The following ZNF521 variants were observed in gnomAD, a reference collection of about 807,000 sequenced individuals.
ZNF521 encodes zinc finger protein 521.
In ZNF521, 14 loss-of-function variants were observed where a neutral mutation model predicts 105.5. That is an observed-to-expected ratio of 0.13 (90% CI 0.09 to 0.21). ZNF521 has a LOEUF of 0.21. Ranked by LOEUF, ZNF521 falls within the 10% of genes least tolerant of loss-of-function variation. The pLI is 1.00. For missense variants in ZNF521, 1,233 were observed against 1,629.7 expected, an observed-to-expected ratio of 0.76 and a Z score of 4.19; for synonymous variants, 635 against 606.0, an observed-to-expected ratio of 1.05 and a Z score of -0.70.
At chr18:25,280,351 C>T (rs897116074) in intron 3 of ZNF521, among the ~76,000 whole-genome samples, 2 of 152,002 alleles carry the variant, frequency 1.3e-5, no homozygotes, top group Non-Finnish European at 2.9e-5. Context: ...CACACACACT[C>T]AGGCACTTTT....
At chr18:25,345,522 A>G (rs1186508288) in intron 2 of ZNF521, among the ~76,000 whole-genome samples, 1 of 152,214 alleles carries the variant, frequency 6.6e-6, no homozygotes, top group Non-Finnish European at 1.5e-5. Context: ...TGCATAAAAC[A>G]GATGTTTTTG....
At chr18:25,112,065 C>G (rs2034201495) in intron 5 of ZNF521, among the ~76,000 whole-genome samples, 1 of 152,176 alleles carries the variant, frequency 6.6e-6, no homozygotes, top group Non-Finnish European at 1.5e-5. Flanking sequence ...CTCCAGTCCT[C>G]TGAAACAACC....
At chr18:25,134,118 A>G (rs2034689294) in intron 5 of ZNF521, among the ~76,000 whole-genome samples, 1 of 152,118 alleles carries the variant, frequency 6.6e-6, no homozygotes, top group African/African-American at 2.4e-5. Flanking sequence ...AACAGCAACT[A>G]CAAACAGGAA....
intron 5 of ZNF521, among the ~76,000 whole-genome samples, chr18:25,095,473 C>A (rs1600012682): frequency 6.6e-6 from 1 of 152,188 alleles, no homozygotes; most frequent in Non-Finnish European, 1.5e-5. Flanking sequence ...GCTAGTACAG[C>A]CCTATTTTTT....
intron 5 of ZNF521, among the ~76,000 whole-genome samples, chr18:25,157,656 G>A (rs924918707): frequency 6.6e-6 from 1 of 152,198 alleles, no homozygotes; most frequent in Non-Finnish European, 1.5e-5. Flanking sequence ...AGGAGTCCCT[G>A]TGTCTCAGTG....
intron 5 of ZNF521, among the ~76,000 whole-genome samples, chr18:25,146,950 T>TCAAAAATGTGTGA (rs1482145833): frequency 2.0e-5 from 3 of 152,140 alleles, no homozygotes; most frequent in African/African-American, 7.2e-5. Context: ...AACTGGATGC[T>TCAAAAATGTGTGA]CAAAAATGTG....
At chr18:25,138,842 C>T (rs2034787251) in intron 5 of ZNF521, among the ~76,000 whole-genome samples, 1 of 152,112 alleles carries the variant, frequency 6.6e-6, no homozygotes, top group African/African-American at 2.4e-5. Context: ...TTGTGATTCC[C>T]ATCCTATCTT....
chr18:25,091,560 G>A (rs1600004773), intron 6 of ZNF521, among the ~76,000 whole-genome samples: 1 of 152,004 alleles, frequency 6.6e-6, no homozygotes, highest in African/African-American at 2.4e-5. Context: ...TAGCAGACAT[G>A]CGCTGACAAC....
intron 5 of ZNF521, among the ~76,000 whole-genome samples, chr18:25,169,195 TAC>T (rs1378662835): frequency 6.6e-6 from 1 of 152,234 alleles, no homozygotes; most frequent in Non-Finnish European, 1.5e-5. Context: ...CTATGGAACC[TAC>T]AGTGGTTTGC....
At chr18:25,318,261 A>T (rs1912749000) in intron 3 of ZNF521, among the ~76,000 whole-genome samples, 1 of 152,182 alleles carries the variant, frequency 6.6e-6, no homozygotes, top group African/African-American at 2.4e-5. Context: ...AAGTTCTAGA[A>T]TAGGTAAAAT....
chr18:25,244,161 C>T (rs558702347), intron 3 of ZNF521, among the ~76,000 whole-genome samples: 2 of 152,204 alleles, frequency 1.3e-5, no homozygotes, highest in South Asian at 4.2e-4. Context: ...CATCCTGCTC[C>T]ACCAGATGCA....
At chr18:25,261,255 C>G (rs943738956) in intron 3 of ZNF521, among the ~76,000 whole-genome samples, 12 of 152,166 alleles carry the variant, frequency 7.9e-5, no homozygotes, top group African/African-American at 2.7e-4. Context: ...CCTGACCTGT[C>G]TGATTAGCAG....
intron 7 of ZNF521, among the ~76,000 whole-genome samples, chr18:25,076,334 A>G (rs1311020214): frequency 6.6e-6 from 1 of 152,214 alleles, no homozygotes; most frequent in Non-Finnish European, 1.5e-5. Flanking sequence ...GTTGGTTGGA[A>G]GAAAGACCTG....
intron 3 of ZNF521, chr18:25,231,647 G>A (rs1215493569): frequency 6.6e-6 from 1 of 152,144 alleles, no homozygotes; most frequent in Non-Finnish European, 1.5e-5. Flanking sequence ...CTGGCCACTC[G>A]CTGGTGTTCA....
intron 3 of ZNF521, among the ~76,000 whole-genome samples, chr18:25,276,457 C>G (rs1030378392): frequency 6.6e-6 from 1 of 152,158 alleles, no homozygotes; most frequent in Non-Finnish European, 1.5e-5. Flanking sequence ...TCCTACACAA[C>G]AGCAACAAAC....
chr18:25,195,738 GCTAAAGT>G (rs2035892057), intron 4 of ZNF521, among the ~76,000 whole-genome samples: 4 of 151,616 alleles, frequency 2.6e-5, no homozygotes, highest in Admixed American at 2.0e-4. Context: ...ATAATTTTTG[GCTAAAGT>G]CTACAATTTA....
chr18:25,161,571 C>T (rs2035252067), intron 5 of ZNF521, among the ~76,000 whole-genome samples: 1 of 152,140 alleles, frequency 6.6e-6, no homozygotes, highest in Non-Finnish European at 1.5e-5. Flanking sequence ...TATTTGAAGA[C>T]AGATATAAAT....
At chr18:25,223,790 T>C (rs186770121) in intron 4 of ZNF521, among the ~76,000 whole-genome samples, 321 of 152,194 alleles carry the variant, frequency 2.1e-3, no homozygotes, top group Middle Eastern at 3.4e-3. Flanking sequence ...TGGTGCTTAA[T>C]AAATGTAGGG....
rs767768462 is a variant in ZNF521 at position 25,092,048 on chromosome 18, C to T, written c.3692G>A (p.Ser1231Asn). 1 of 1,613,888 alleles carries T rather than the reference C, an allele frequency of 6.2e-7. No homozygotes were observed. Among genetic ancestry groups the T allele is most frequent in the African/African-American group, 1.3e-5 (1 of 74,932 alleles). Residue 1231 changes from serine to asparagine, a missense_variant, in exon 6 of 8, where the codon AGC (serine) becomes AAC (asparagine). Around this residue, in one of 6 missense-constraint regions of ZNF521, gnomAD observed 76 missense variants for 137.2 expected, o/e 0.55. Transcript: ENST00000361524. Reference sequence around the variant, plus strand: ...TTTGGCAGGAGAGTCAAAGGTCTGGCTGCAGAGTTTGCATTCATGGTTCAG... The same window carrying T: ...TTTGGCAGGAGAGTCAAAGGTCTGGTTGCAGAGTTTGCATTCATGGTTCAG... Reference protein sequence around the residue: ...EGLNHECKLCSQTFDSPAKLQ... With the variant: ...EGLNHECKLCNQTFDSPAKLQ...
Sources: allele counts gnomAD v4.1 joint callset (sites outside exome capture counted in the v4.1 genomes callset), GRCh38; gene constraint gnomAD v4.1.1; regional missense constraint gnomAD v4.1.1; transcripts MANE v1.5; gene names NCBI Gene and HGNC (gene_info 2026-07-23, HGNC 2026-07-21).